Variants in TSNARE1 observed in about 807,000 individuals in gnomAD.
TSNARE1 encodes the protein t-SNARE domain-containing protein 1.
A neutral mutation model predicts 62.0 loss-of-function variants in TSNARE1; 49 were observed. That is an observed-to-expected ratio of 0.79 (90% CI 0.63 to 1.00). The LOEUF (loss-of-function observed/expected upper bound fraction) is 1.00. Among genes scored for constraint, TSNARE1 ranks in the 50% least tolerant of loss-of-function variants. The probability of loss-of-function intolerance (pLI) is 0.00; values close to 1 mark genes in which losing one functional copy is unlikely to be tolerated. For missense variants in TSNARE1, 755 were observed against 700.1 expected (o/e 1.08, Z -0.88); for synonymous variants, 328 against 294.4 (o/e 1.11, Z -1.17).
At chr8:142,245,504 T>C (rs1586835626) in intron 12 of TSNARE1, among the ~76,000 whole-genome samples, 1 of 152,232 alleles carries the variant, frequency 6.6e-6, no homozygotes, top group South Asian at 2.1e-4. Context: ...ACTGTAGCTA[T>C]GCATAAGCAC....
At chr8:142,286,766 C>A (rs962004093) in intron 10 of TSNARE1, among the ~76,000 whole-genome samples, 1 of 152,154 alleles carries the variant, frequency 6.6e-6, no homozygotes, top group Non-Finnish European at 1.5e-5. Context: ...CAGTTATAGA[C>A]GTGATCCCGT....
chr8:142,402,069 G>C (rs2131531959), intron 1 of TSNARE1, among the ~76,000 whole-genome samples: 1 of 152,274 alleles, frequency 6.6e-6, no homozygotes, highest in East Asian at 1.9e-4. Flanking sequence ...GGTCAGAAAG[G>C]TGAGCTCAGA....
chr8:142,299,642 C>A (rs560280207), intron 10 of TSNARE1, among the ~76,000 whole-genome samples: 2 of 152,242 alleles, frequency 1.3e-5, no homozygotes, highest in African/African-American at 4.8e-5. Context: ...CACGCACTCA[C>A]GCACGCACGC....
At chr8:142,325,899 G>A (rs962947088) in intron 6 of TSNARE1, among the ~76,000 whole-genome samples, 3 of 149,348 alleles carry the variant, frequency 2.0e-5, no homozygotes, top group Admixed American at 6.7e-5. Flanking sequence ...GACGGATGAC[G>A]AACCAGCACC....
chr8:142,261,343 G>T (rs1419956539), intron 12 of TSNARE1, among the ~76,000 whole-genome samples: 1 of 122,384 alleles, frequency 8.2e-6, no homozygotes. Flanking sequence ...AGGAGGGAGG[G>T]AGGGAGAGTG....
chr8:142,290,693 A>T (rs561014300), intron 10 of TSNARE1, among the ~76,000 whole-genome samples: 1 of 152,242 alleles, frequency 6.6e-6, no homozygotes, highest in Non-Finnish European at 1.5e-5. Flanking sequence ...ATAGCTAGAG[A>T]TCAGCCAGGT....
At chr8:142,370,029 T>C (rs1268290307) in intron 1 of TSNARE1, among the ~76,000 whole-genome samples, 1 of 152,102 alleles carries the variant, frequency 6.6e-6, no homozygotes, top group African/African-American at 2.4e-5. Context: ...GGAGCGCTCA[T>C]GAATTGGATC....
At chr8:142,309,426 C>T (rs1056564162) in intron 9 of TSNARE1, among the ~76,000 whole-genome samples, 29 of 152,194 alleles carry the variant, frequency 1.9e-4, no homozygotes, top group African/African-American at 6.8e-4. Flanking sequence ...ATTAAAGGCA[C>T]TCCTATCTAT....
chr8:142,400,592 T>C lies in TSNARE1; in HGVS notation c.-40+2512A>G, dbSNP rs1017183001. Among the ~76,000 whole-genome samples, 8 of 151,972 alleles carry C rather than the reference T, an allele frequency of 5.3e-5. No homozygotes were observed. The South Asian group carries it at 1.7e-3, about 32-fold the overall frequency. ...CGTCTCTACTAAAAATACAAAAAAT[T>C]AGCCAGGTGTGGTGGCAGGCACCTG... On this transcript the variant is annotated intron_variant, in intron 1 of 13. Transcript: ENST00000524325.
intron 2 of TSNARE1, 61 bp downstream of exon 2, chr8:142,354,576 A>G: frequency 8.2e-7 from 1 of 1,215,158 alleles, no homozygotes; most frequent in Non-Finnish European, 1.2e-6. Flanking sequence ...CACAGTGAGG[A>G]TCCTACCCTA....
intron 4 of TSNARE1, among the ~76,000 whole-genome samples, chr8:142,341,309 C>T (rs1832556737): frequency 6.6e-6 from 1 of 152,208 alleles, no homozygotes; most frequent in Non-Finnish European, 1.5e-5. Flanking sequence ...TTCGGAGTAA[C>T]AATCCAGGCC....
chr8:142,318,300 G>A (rs1828904160), intron 7 of TSNARE1, among the ~76,000 whole-genome samples: 1 of 152,208 alleles, frequency 6.6e-6, no homozygotes, highest in East Asian at 1.9e-4. Flanking sequence ...CATAAGCCAA[G>A]GACAGCAAGA....
At chr8:142,245,177 C>T (rs190635494) in intron 12 of TSNARE1, among the ~76,000 whole-genome samples, 116 of 152,270 alleles carry the variant, frequency 7.6e-4, no homozygotes, top group African/African-American at 2.5e-3. Flanking sequence ...CTGACAATAT[C>T]GAATACAAGA....
chr8:142,349,120 A>C (rs1194082935), intron 2 of TSNARE1, among the ~76,000 whole-genome samples: 1 of 152,218 alleles, frequency 6.6e-6, no homozygotes, highest in Non-Finnish European at 1.5e-5. Context: ...CCCATGCCCC[A>C]GAAGCAGCCC....
chr8:142,354,093 C>T (rs1360619916), intron 2 of TSNARE1, among the ~76,000 whole-genome samples: 1 of 152,114 alleles, frequency 6.6e-6, no homozygotes, highest in Admixed American at 6.5e-5. Flanking sequence ...AGTCAGGTAC[C>T]ATGAGGACCT....
intron 1 of TSNARE1, among the ~76,000 whole-genome samples, chr8:142,360,344 T>C (rs1835062432): frequency 6.6e-6 from 1 of 152,096 alleles, no homozygotes; most frequent in Non-Finnish European, 1.5e-5. Flanking sequence ...GGGCACTGGC[T>C]GAGCCACATG....
chr8:142,277,205 G>A (rs563332141), intron 11 of TSNARE1: 57 of 985,328 alleles, frequency 5.8e-5, no homozygotes, highest in Non-Finnish European at 6.5e-5. Flanking sequence ...GGTGCTCCAC[G>A]GGGGCCCCTT....
chr8:142,385,832 C>G (rs564783810), intron 1 of TSNARE1, among the ~76,000 whole-genome samples: 1 of 152,340 alleles, frequency 6.6e-6, no homozygotes, highest in South Asian at 2.1e-4. Context: ...TTAAAACAGA[C>G]AAATTTGCTC....
intron 10 of TSNARE1, among the ~76,000 whole-genome samples, chr8:142,290,776 C>T (rs1823615007): frequency 1.3e-5 from 2 of 152,200 alleles, no homozygotes; most frequent in South Asian, 2.1e-4. Context: ...CTTGGAGCCC[C>T]GCCTGGGCCA....
Sources: gnomAD v4.1 joint callset for allele counts (sites outside exome capture counted in the v4.1 genomes callset) on GRCh38, gnomAD v4.1.1 for gene constraint, MANE v1.5 for transcripts, NCBI Gene and HGNC (gene_info 2026-07-23, HGNC 2026-07-21) for gene names.